ANKRD42: variants seen among roughly 807,000 people sequenced by gnomAD.
ANKRD42 encodes the protein ankyrin repeat domain-containing protein 42.
ANKRD42 carries 43 observed loss-of-function variants against 51.5 expected under a neutral mutation model. The ratio of observed to expected loss-of-function variants is 0.83; its 90% CI spans 0.65 to 1.08. The LOEUF (loss-of-function observed/expected upper bound fraction) is 1.08, where lower values mean the gene tolerates loss of function less well. Ranked by LOEUF, ANKRD42 falls within the 50% of genes least tolerant of loss-of-function variation. The probability of loss-of-function intolerance (pLI) is 0.00; values close to 1 mark genes in which losing one functional copy is unlikely to be tolerated. For missense variants in ANKRD42, 608 were observed against 629.3 expected (o/e 0.97, Z 0.36); for synonymous variants, 203 against 213.0 (o/e 0.95, Z 0.41).
At chr11:83,199,713 T>G (rs975670633) in intron 2 of ANKRD42, among the ~76,000 whole-genome samples, 1 of 152,220 alleles carries the variant, frequency 6.6e-6, no homozygotes, top group Non-Finnish European at 1.5e-5. Flanking sequence ...ACAATAGGTC[T>G]GTTGACAATG....
At chr11:83,210,845 T>C (rs76040420) in intron 4 of ANKRD42, among the ~76,000 whole-genome samples, 1,941 of 152,344 alleles carry the variant, frequency 0.013, 39 homozygotes, top group African/African-American at 0.044. Context: ...TTTAATTTTA[T>C]TATGTAGTGG....
At chr11:83,209,275 T>C (rs1565179687) in intron 3 of ANKRD42, 1 of 652,052 alleles carries the variant, frequency 1.5e-6, no homozygotes, top group Non-Finnish European at 2.8e-6. Context: ...AAAATCAATA[T>C]TATAAGTGTC....
chr11:83,215,233 A>T (rs531344094), intron 5 of ANKRD42: 1 of 152,030 alleles, frequency 6.6e-6, no homozygotes, highest in East Asian at 1.9e-4. Context: ...TTTCTTGTGG[A>T]TATATACCCA....
intron 5 of ANKRD42, among the ~76,000 whole-genome samples, chr11:83,218,834 G>A (rs1239734534): frequency 6.6e-6 from 1 of 152,158 alleles, no homozygotes; most frequent in East Asian, 1.9e-4. Context: ...GTATTGTCAC[G>A]AAGGGCAAAG....
rs1406390539 is a variant in ANKRD42, at chr11:83,240,868, G to T, written c.1129G>T (p.Val377Phe). Residue 377 changes from valine (V) to phenylalanine (F), a missense_variant, in exon 9 of 11, where the codon GTT (valine) becomes TTT (phenylalanine). By Grantham distance (50) the Val-to-Phe change is conservative. Coordinates refer to ENST00000533342, the MANE Select transcript of ANKRD42 (RefSeq NM_001300975.2). ...NDVKYFIRHG[V>F]EGSTDAKDDL... is the part of the protein sequence containing the mutation. The stretch of plus-strand genomic sequence containing the variant: ...TGTGAAATATTTTATAAGACATGGT[G>T]TTGAGGGAAGCACTGATGCCAAGGA... 1.9e-6 allele frequency: 3 copies of T among 1,614,124 alleles called. No individual in the cohort carries two copies. In the East Asian group the frequency reaches 6.7e-5, roughly 36 times the overall value.
chr11:83,237,557 T>C (rs1863260418), intron 8 of ANKRD42, among the ~76,000 whole-genome samples: 1 of 152,196 alleles, frequency 6.6e-6, no homozygotes, highest in African/African-American at 2.4e-5. Flanking sequence ...GACAGTATGC[T>C]CTGGTCCAAT....
downstream of ANKRD42, among the ~76,000 whole-genome samples, chr11:83,264,049 A>G (rs1591026917): frequency 6.6e-6 from 1 of 152,230 alleles, no homozygotes; most frequent in Non-Finnish European, 1.5e-5. Flanking sequence ...TTAAATGTAC[A>G]TAGCAAGTTG....
chr11:83,255,489 G>T (rs905121897), intron 11 of ANKRD42, among the ~76,000 whole-genome samples: 2 of 152,148 alleles, frequency 1.3e-5, no homozygotes, highest in Non-Finnish European at 2.9e-5. Flanking sequence ...AACACTTGCA[G>T]TTACCAATAT....
chr11:83,219,878 T>A (rs1051647624), intron 5 of ANKRD42, among the ~76,000 whole-genome samples: 1 of 152,182 alleles, frequency 6.6e-6, no homozygotes, highest in Non-Finnish European at 1.5e-5. Flanking sequence ...CATCAAATGG[T>A]GACACTTGCC....
At chr11:83,204,654 T>C (rs1405063833) in intron 2 of ANKRD42, among the ~76,000 whole-genome samples, 1 of 149,200 alleles carries the variant, frequency 6.7e-6, no homozygotes, top group Non-Finnish European at 1.5e-5. Flanking sequence ...AAAAAGAAAA[T>C]GAAGCTTGAG....
chr11:83,255,702 A>T (rs1458050127), intron 11 of ANKRD42: 4 of 599,522 alleles, frequency 6.7e-6, no homozygotes, highest in Non-Finnish European at 1.1e-5. Flanking sequence ...GAATTTATTC[A>T]CATAAAATCC....
intron 5 of ANKRD42, among the ~76,000 whole-genome samples, chr11:83,219,613 TCCCAA>T (rs1224145819): frequency 2.0e-5 from 3 of 152,208 alleles, no homozygotes; most frequent in Admixed American, 2.0e-4. Flanking sequence ...GTATCCTGTG[TCCCAA>T]CTGACTATAT....
At chr11:83,212,875 C>A in intron 5 of ANKRD42, 1 of 1,424,876 alleles carries the variant, frequency 7.0e-7, no homozygotes, top group Non-Finnish European at 9.2e-7. Flanking sequence ...TTATTTTGTT[C>A]TCATTCTTTT....
chr11:83,203,197 G>A (rs973170135), intron 2 of ANKRD42, among the ~76,000 whole-genome samples: 1 of 151,722 alleles, frequency 6.6e-6, no homozygotes, highest in East Asian at 1.9e-4. Context: ...GTTTCACCAC[G>A]TGGGCCAGGC....
Position 83,193,784 on chromosome 11 carries a change from C to A in ANKRD42, c.-887C>A. ...GGAGTCGGGAGGCTGGAAAGAGACT[C>A]CGAGAAAGTACCAGCGGAAGGCGGC... On this transcript the variant is annotated 5_prime_UTR_variant, in exon 1 of 11. Coordinates refer to ENST00000533342, the MANE Select transcript of ANKRD42 (RefSeq NM_001300975.2). The A allele has an allele frequency of 2.2e-6, 1 of 451,560 alleles. No individual in the cohort carries two copies. The highest frequency in any genetic ancestry group is 1.6e-5 in the South Asian group (1 of 64,332). 28.0% of individuals were successfully genotyped at this position (451,560 alleles called of 1,614,324 possible). A position where few individuals can be genotyped will look rare whatever the true frequency, so the allele number is the denominator to read the frequency against.
At chr11:83,196,431 G>A (rs1223645014) in intron 1 of ANKRD42, among the ~76,000 whole-genome samples, 2 of 146,950 alleles carry the variant, frequency 1.4e-5, no homozygotes. Flanking sequence ...GTGTGTGTGT[G>A]GTTTCTTGAC....
intron 7 of ANKRD42, among the ~76,000 whole-genome samples, chr11:83,230,560 A>G (rs1036403551): frequency 6.0e-5 from 9 of 150,756 alleles, no homozygotes; most frequent in African/African-American, 2.2e-4. Flanking sequence ...CTCCAGTTCT[A>G]TCCATGTTGT....
intron 9 of ANKRD42, among the ~76,000 whole-genome samples, chr11:83,243,525 A>T (rs1863450964): frequency 6.6e-6 from 1 of 152,148 alleles, no homozygotes; most frequent in Non-Finnish European, 1.5e-5. Context: ...ATATAAGCTA[A>T]ATACTCACTG....
intron 10 of ANKRD42, among the ~76,000 whole-genome samples, chr11:83,246,941 C>A (rs2135558721): frequency 6.6e-6 from 1 of 152,158 alleles, no homozygotes; most frequent in East Asian, 1.9e-4. Context: ...CTGTTTTTTT[C>A]CCTGCTACCC....
Sources: gnomAD v4.1 joint callset for allele counts (sites outside exome capture counted in the v4.1 genomes callset) on GRCh38, gnomAD v4.1.1 for gene constraint, MANE v1.5 for transcripts, NCBI Gene and HGNC (gene_info 2026-07-23, HGNC 2026-07-21) for gene names.